The following NHS variants were observed in gnomAD, a reference collection of about 807,000 sequenced individuals.
NHS encodes the protein actin remodeling regulator NHS.
In NHS, 5 loss-of-function variants were observed where a neutral mutation model predicts 72.5. That is an observed-to-expected ratio of 0.07 (90% CI 0.04 to 0.14). The LOEUF (loss-of-function observed/expected upper bound fraction) is 0.14. Ranked by LOEUF, NHS falls within the 10% of genes least tolerant of loss-of-function variation. The probability of loss-of-function intolerance (pLI) is 1.00; values close to 1 mark genes in which losing one functional copy is unlikely to be tolerated. For missense variants in NHS, 1,072 were observed against 1,355.7 expected (o/e 0.79, Z 3.29); for synonymous variants, 464 against 547.7 (o/e 0.85, Z 2.13).
chrX:17,544,722 C>T (rs1276032409), intron 1 of NHS, among the ~76,000 whole-genome samples: 5 of 111,510 alleles, frequency 4.5e-5, no homozygotes, highest in South Asian at 3.7e-4. Context: ...CATGTTGGCC[C>T]GGCTGGTCTT....
chrX:17,407,739 C>T (rs920752761), intron 1 of NHS, among the ~76,000 whole-genome samples: 1 of 111,413 alleles, frequency 9.0e-6, no homozygotes, highest in Non-Finnish European at 1.9e-5. Flanking sequence ...AAGCAATTTA[C>T]ATGGTGGAGC....
chrX:17,527,889 G>A lies in NHS; in HGVS notation c.565+151567G>A, dbSNP rs879072115. 8.0e-5 allele frequency among the ~76,000 whole-genome samples: 7 copies of A among 87,740 alleles called. No homozygotes were observed. The South Asian group carries it at 4.2e-3, about 53-fold the overall frequency. The allele number at this position is 87,740 out of a possible 115,157, so 76.2% of individuals were successfully genotyped here. On this transcript the variant is annotated intron_variant, in intron 1 of 8. Coordinates refer to ENST00000676302, the MANE Select transcript of NHS (RefSeq NM_001291867.2). Reference sequence around the variant, plus strand: ...CTTCAAAGGGACCCATAATCACGCCGAGTCTGTGGGTTGCACGACTATACC... The same window carrying A: ...CTTCAAAGGGACCCATAATCACGCCAAGTCTGTGGGTTGCACGACTATACC...
intron 1 of NHS, among the ~76,000 whole-genome samples, chrX:17,495,458 G>A (rs1009280458): frequency 9.0e-6 from 1 of 111,616 alleles, no homozygotes; most frequent in Non-Finnish European, 1.9e-5. Flanking sequence ...GGTTTGTTTC[G>A]CATTGTAGAG....
chrX:17,606,242 G>A (rs1346372170), intron 1 of NHS, among the ~76,000 whole-genome samples: 1 of 111,959 alleles, frequency 8.9e-6, no homozygotes, highest in African/African-American at 3.3e-5. Flanking sequence ...CCACAGAGGA[G>A]GGATGCCTGA....
chrX:17,587,906 T>C (rs1388758307), intron 1 of NHS, among the ~76,000 whole-genome samples: 1 of 112,611 alleles, frequency 8.9e-6, no homozygotes, highest in African/African-American at 3.2e-5. Flanking sequence ...TCCTGAAAGC[T>C]AATGATCTTG....
At chrX:17,620,193 G>A (rs1021719388) in intron 1 of NHS, among the ~76,000 whole-genome samples, 5 of 111,749 alleles carry the variant, frequency 4.5e-5, no homozygotes, top group Non-Finnish European at 7.5e-5. Context: ...GGAAACTGAC[G>A]TTCATTTTTA....
chrX:17,414,121 G>A (rs1401478541), intron 1 of NHS, among the ~76,000 whole-genome samples: 1 of 112,390 alleles, frequency 8.9e-6, no homozygotes, highest in Non-Finnish European at 1.9e-5. Flanking sequence ...GATCTGCCAG[G>A]TCAAATTTCC....
intron 1 of NHS, among the ~76,000 whole-genome samples, chrX:17,380,908 C>T: frequency 9.0e-6 from 1 of 110,988 alleles, no homozygotes; most frequent in Non-Finnish European, 1.9e-5. Flanking sequence ...AGGATACGAG[C>T]AGGGAGGCAG....
chrX:17,703,865 A>G (rs1035822482), intron 3 of NHS, among the ~76,000 whole-genome samples: 4 of 111,972 alleles, frequency 3.6e-5, no homozygotes, highest in Non-Finnish European at 7.5e-5. Context: ...CAGGAGGCTC[A>G]ATAGAGTGCC....
intron 3 of NHS, chrX:17,719,132 GAAGA>G (rs2066389793): frequency 1.5e-5 from 5 of 324,017 alleles, no homozygotes; most frequent in Non-Finnish European, 2.7e-5. Flanking sequence ...GAAATAAGGA[GAAGA>G]AAGGAAGGAA....
At chrX:17,707,121 G>A (rs1471768372) in intron 3 of NHS, among the ~76,000 whole-genome samples, 1 of 111,630 alleles carries the variant, frequency 9.0e-6, no homozygotes, top group Non-Finnish European at 1.9e-5. Flanking sequence ...TTCCTTAAAT[G>A]TAGTGGGATG....
intron 2 of NHS, among the ~76,000 whole-genome samples, chrX:17,689,329 T>A (rs751216374): frequency 4.2e-4 from 47 of 112,567 alleles, no homozygotes; most frequent in African/African-American, 1.3e-3. Flanking sequence ...ACACTTACAA[T>A]GAAGAGTGAT....
intron 1 of NHS, among the ~76,000 whole-genome samples, chrX:17,376,793 T>C (rs1007969274): frequency 6.2e-5 from 7 of 112,526 alleles, no homozygotes; most frequent in African/African-American, 2.3e-4. Context: ...GTAGTGAGTG[T>C]TCTTTTGAGA....
intron 3 of NHS, among the ~76,000 whole-genome samples, chrX:17,712,677 G>T (rs1324213202): frequency 3.6e-5 from 4 of 109,640 alleles, no homozygotes; most frequent in Non-Finnish European, 7.6e-5. Context: ...AATCACTGTG[G>T]ATTGGGTTTT....
intron 1 of NHS, among the ~76,000 whole-genome samples, chrX:17,483,254 A>T (rs1010356123): frequency 3.6e-5 from 4 of 112,224 alleles, no homozygotes; most frequent in African/African-American, 9.7e-5. Context: ...CAAAGTATTT[A>T]AAAAATTCCA....
chrX:17,397,769 G>A (rs1179640002), intron 1 of NHS, among the ~76,000 whole-genome samples: 1 of 112,015 alleles, frequency 8.9e-6, no homozygotes, highest in Non-Finnish European at 1.9e-5. Context: ...GTGGTTGTTT[G>A]CTCATCCATT....
At chrX:17,394,211 G>A (rs1460090457) in intron 1 of NHS, among the ~76,000 whole-genome samples, 1 of 111,833 alleles carries the variant, frequency 8.9e-6, no homozygotes, top group Non-Finnish European at 1.9e-5. Context: ...CTTGAGGTGT[G>A]TGATGCCTTT....
chrX:17,422,411 A>T (rs1249076890), intron 1 of NHS, among the ~76,000 whole-genome samples: 1 of 111,162 alleles, frequency 9.0e-6, no homozygotes, highest in Non-Finnish European at 1.9e-5. Context: ...GATTCAATCC[A>T]TCAATCTATA....
intron 8 of NHS, among the ~76,000 whole-genome samples, chrX:17,730,012 A>G (rs866095307): frequency 8.9e-6 from 1 of 112,413 alleles, no homozygotes; most frequent in Non-Finnish European, 1.9e-5. Context: ...AAAAGGAGCC[A>G]ATCAGAAACA....
Sources: gnomAD v4.1 joint callset for allele counts (sites outside exome capture counted in the v4.1 genomes callset) on GRCh38, gnomAD v4.1.1 for gene constraint, MANE v1.5 for transcripts, NCBI Gene and HGNC (gene_info 2026-07-23, HGNC 2026-07-21) for gene names.